PIWIL3: variants seen among roughly 807,000 people sequenced by gnomAD.
PIWIL3 encodes piwi like RNA-mediated gene silencing 3, also known as piwi-like protein 3.
In PIWIL3, 101 loss-of-function variants were observed where a neutral mutation model predicts 109.7. The ratio of observed to expected loss-of-function variants is 0.92; its 90% CI spans 0.78 to 1.09. The LOEUF (loss-of-function observed/expected upper bound fraction) is 1.09, where lower values mean the gene tolerates loss of function less well. Ranked by LOEUF, PIWIL3 falls within the 50% of genes least tolerant of loss-of-function variation. PIWIL3 has a pLI of 0.00. For missense variants in PIWIL3, 1,031 were observed against 1,072.6 expected (o/e 0.96, Z 0.54); for synonymous variants, 373 against 376.4 (o/e 0.99, Z 0.10).
Position 24,749,597 on chromosome 22 carries a change from C to A in PIWIL3, c.1217-76G>T, listed in dbSNP as rs1279360612. 10 of 1,610,166 alleles carry A rather than the reference C, an allele frequency of 6.2e-6. No homozygotes were observed. The Admixed American group carries it at 1.2e-4, about 19-fold the overall frequency. On this transcript the variant is annotated intron_variant, in intron 10 of 20. Coordinates refer to ENST00000616349, the MANE Select transcript of PIWIL3 (RefSeq NM_001255975.1). ...GACTAAATTATAACAGCTGGAGGAA[C>A]CTACTACCAAGGAGACACCCTTCGA...
At chr22:24,748,478 T>G (rs1049991518) in intron 12 of PIWIL3, among the ~76,000 whole-genome samples, 1 of 152,214 alleles carries the variant, frequency 6.6e-6, no homozygotes, top group Non-Finnish European at 1.5e-5. Flanking sequence ...GATACCCCAC[T>G]TAACCTGATG....
At chr22:24,756,945 G>A (rs1442861036) in intron 4 of PIWIL3, among the ~76,000 whole-genome samples, 3 of 152,040 alleles carry the variant, frequency 2.0e-5, no homozygotes, top group Non-Finnish European at 2.9e-5. Context: ...TGGGCACAGT[G>A]GCAGGTGCCT....
rs1439631293 is a variant in PIWIL3 at position 24,723,155 on chromosome 22, C to A, written c.2332G>T (p.Asp778Tyr). ...CATTCATTCCTAGTCAACTCTACATCAATAACTGTTCCTGGAGGTGGATTT... is the reference window on the plus strand; with the variant it reads ...CATTCATTCCTAGTCAACTCTACATAAATAACTGTTCCTGGAGGTGGATTT... Reference protein sequence around the residue: ...FQNPPPGTVIDVELTRNEWYD... With the variant: ...FQNPPPGTVIYVELTRNEWYD... The change falls in exon 19 of 21, where the codon GAT (aspartate) becomes TAT (tyrosine). Residue 778 changes from aspartate (D) to tyrosine (Y), a missense_variant. Physicochemically the swap from Asp to Tyr is radical, Grantham distance 160 (BLOSUM62 -3). Transcript: ENST00000616349. The A allele has an allele frequency of 6.2e-7, 1 of 1,613,366 alleles. No homozygotes were observed. Among genetic ancestry groups the A allele is most frequent in the Non-Finnish European group, 8.5e-7 (1 of 1,179,508 alleles).
At chr22:24,760,761 CAA>C (rs1360480489) in intron 2 of PIWIL3, among the ~76,000 whole-genome samples, 3 of 76,794 alleles carry the variant, frequency 3.9e-5, no homozygotes, top group African/African-American at 1.5e-4. Flanking sequence ...GCCTGGGCAA[CAA>C]GAGCGAAACT....
At chr22:24,721,369 C>T (rs957304410) in intron 19 of PIWIL3, among the ~76,000 whole-genome samples, 2 of 152,086 alleles carry the variant, frequency 1.3e-5, no homozygotes, top group African/African-American at 4.8e-5. Context: ...TAAGTGTGAA[C>T]TTTTATTGAT....
intron 14 of PIWIL3, among the ~76,000 whole-genome samples, chr22:24,731,582 C>T (rs1291580519): frequency 2.7e-5 from 4 of 150,602 alleles, no homozygotes; most frequent in Non-Finnish European, 5.9e-5. Flanking sequence ...ACCCGGGAGG[C>T]GGAGGTTGCA....
chr22:24,751,311 A>G, intron 9 of PIWIL3, 76 bp downstream of exon 9: 1 of 1,381,706 alleles, frequency 7.2e-7, no homozygotes, highest in Non-Finnish European at 9.9e-7. Flanking sequence ...AAATATGTTC[A>G]AGTAGCTAAA....
At chr22:24,733,355 C>T in intron 14 of PIWIL3, among the ~76,000 whole-genome samples, 1 of 151,758 alleles carries the variant, frequency 6.6e-6, no homozygotes. Flanking sequence ...TGGTCTAAGA[C>T]ACCAAATGGA....
intron 16 of PIWIL3, among the ~76,000 whole-genome samples, chr22:24,727,344 G>C (rs1923058208): frequency 6.6e-6 from 1 of 152,174 alleles, no homozygotes; most frequent in Non-Finnish European, 1.5e-5. Context: ...TTTAAAAGCA[G>C]GGATGTTTTT....
chr22:24,740,421 G>A (rs1923934093), intron 12 of PIWIL3, among the ~76,000 whole-genome samples: 1 of 150,890 alleles, frequency 6.6e-6, no homozygotes, highest in African/African-American at 2.4e-5. Flanking sequence ...GGTGGCAGGT[G>A]CCTGTAGTCC....
chr22:24,727,983 CCTG>C lies in PIWIL3; in HGVS notation c.1973_1975del (p.Ala658del), dbSNP rs760055459. 4.2e-5 allele frequency: 68 copies of C among 1,613,626 alleles called. No individual in the cohort carries two copies. The highest frequency in any genetic ancestry group is 5.3e-5 in the Non-Finnish European group (63 of 1,179,942). ...TTCAGCATTGGTACTTGCAACAAAT[CCTG>C]CTATTGATTTCTGTCGATTTACGAT... On this transcript the variant is annotated inframe_deletion, in exon 16 of 21. Transcript: ENST00000616349.
chr22:24,751,313 G>A (rs1924697952), intron 9 of PIWIL3, 74 bp downstream of exon 9: 5 of 1,391,820 alleles, frequency 3.6e-6, no homozygotes, highest in Non-Finnish European at 3.9e-6. Flanking sequence ...ATATGTTCAA[G>A]TAGCTAAATA....
rs1050887678 is a variant in PIWIL3, at chr22:24,756,663, C to T, written c.398G>A (p.Arg133Gln). The change falls in exon 5 of 21, where the codon CGA (arginine) becomes CAA (glutamine). Residue 133 changes from arginine (R) to glutamine (Q), a missense_variant. Transcript: ENST00000616349. ...TVVQLLANHF[R>Q]VISRPQWVAY... ...AACCCACTGAGGACGAGATATCACT[C>T]GGAAGTGGTTGGCGAGTAGCTGTAC... The T allele has an allele frequency of 7.4e-6, 12 of 1,613,910 alleles. No individual in the cohort carries two copies. Among genetic ancestry groups the T allele is most frequent in the African/African-American group, 5.3e-5 (4 of 74,920 alleles).
At chr22:24,742,782 A>G (rs1924087357) in intron 12 of PIWIL3, among the ~76,000 whole-genome samples, 1 of 152,230 alleles carries the variant, frequency 6.6e-6, no homozygotes, top group Non-Finnish European at 1.5e-5. Context: ...CTAAGACCTG[A>G]AGCCATAAGA....
At chr22:24,767,095 C>A (rs911688741) in intron 1 of PIWIL3, among the ~76,000 whole-genome samples, 1 of 152,058 alleles carries the variant, frequency 6.6e-6, no homozygotes. Flanking sequence ...GGACTATGAT[C>A]ATACCACTGC....
At chr22:24,771,519 C>T (rs1333472155) in intron 1 of PIWIL3, among the ~76,000 whole-genome samples, 2 of 151,542 alleles carry the variant, frequency 1.3e-5, no homozygotes, top group South Asian at 2.1e-4. Context: ...TTTCAGCACA[C>T]TTCACTTCTT....
intron 12 of PIWIL3, among the ~76,000 whole-genome samples, chr22:24,736,147 G>T (rs1923644867): frequency 6.6e-6 from 1 of 152,138 alleles, no homozygotes; most frequent in Non-Finnish European, 1.5e-5. Flanking sequence ...TGTAGGCAAA[G>T]CAAACTCCAG....
chr22:24,746,426 A>C (rs1924372308), intron 12 of PIWIL3, among the ~76,000 whole-genome samples: 1 of 151,560 alleles, frequency 6.6e-6, no homozygotes, highest in Non-Finnish European at 1.5e-5. Context: ...ATTTCAACAT[A>C]ATAAAAGCCA....
At chr22:24,753,618 T>G (rs1398488695) in intron 8 of PIWIL3, among the ~76,000 whole-genome samples, 2 of 152,220 alleles carry the variant, frequency 1.3e-5, no homozygotes, top group African/African-American at 4.8e-5. Flanking sequence ...TTTAAATCCA[T>G]TCTCTTACCA....
Sources: gnomAD v4.1 joint callset for allele counts (sites outside exome capture counted in the v4.1 genomes callset) on GRCh38, gnomAD v4.1.1 for gene constraint, MANE v1.5 for transcripts, NCBI Gene and HGNC (gene_info 2026-07-23, HGNC 2026-07-21) for gene names.